Variants in ZNF385B observed in about 807,000 individuals in gnomAD.
ZNF385B encodes the protein zinc finger protein 533.
ZNF385B carries 23 observed loss-of-function variants against 39.2 expected under a neutral mutation model. The ratio of observed to expected loss-of-function variants is 0.59; its 90% CI spans 0.42 to 0.83. ZNF385B has a LOEUF of 0.83. ZNF385B is among the 40% of genes least tolerant of loss of function. The probability of loss-of-function intolerance (pLI) is 0.00; values close to 1 mark genes in which losing one functional copy is unlikely to be tolerated. For missense variants in ZNF385B, 552 were observed against 598.9 expected (o/e 0.92, Z 0.82); for synonymous variants, 205 against 222.6 (o/e 0.92, Z 0.70).
chr2:179,649,506 T>A (rs1693022392), intron 3 of ZNF385B, among the ~76,000 whole-genome samples: 1 of 152,194 alleles, frequency 6.6e-6, no homozygotes, highest in South Asian at 2.1e-4. Flanking sequence ...TATTGCAGAT[T>A]TTCTGTAATT....
intron 6 of ZNF385B, among the ~76,000 whole-genome samples, chr2:179,459,186 T>C (rs978105292): frequency 1.3e-5 from 2 of 152,196 alleles, no homozygotes; most frequent in African/African-American, 4.8e-5. Context: ...ATTCCCTATA[T>C]TAGATAAAAA....
intron 3 of ZNF385B, among the ~76,000 whole-genome samples, chr2:179,589,202 C>G (rs1390786545): frequency 6.6e-6 from 1 of 152,186 alleles, no homozygotes; most frequent in Non-Finnish European, 1.5e-5. Flanking sequence ...GTTTGCCTCT[C>G]AGACTTAATA....
chr2:179,811,783 A>G (rs1217210885), intron 1 of ZNF385B, among the ~76,000 whole-genome samples: 1 of 151,468 alleles, frequency 6.6e-6, no homozygotes, highest in Non-Finnish European at 1.5e-5. Flanking sequence ...CCACACACAC[A>G]AAAAAAAATT....
chr2:179,512,528 G>C (rs562380582), intron 5 of ZNF385B, among the ~76,000 whole-genome samples: 1 of 152,088 alleles, frequency 6.6e-6, no homozygotes, highest in South Asian at 2.1e-4. Context: ...TCATTTCCCC[G>C]GCAAAGCTTA....
At chr2:179,741,602 G>A (rs1445688188) in intron 3 of ZNF385B, among the ~76,000 whole-genome samples, 11 of 152,004 alleles carry the variant, frequency 7.2e-5, no homozygotes, top group African/African-American at 2.2e-4. Context: ...TTGGGTGTGG[G>A]AATGGAGTTT....
chr2:179,722,657 G>A (rs963193352), intron 3 of ZNF385B, among the ~76,000 whole-genome samples: 1 of 151,938 alleles, frequency 6.6e-6, no homozygotes, highest in Non-Finnish European at 1.5e-5. Context: ...ATAATCTCAA[G>A]GTAGAGAAAC....
intron 1 of ZNF385B, among the ~76,000 whole-genome samples, chr2:179,824,206 A>G (rs1288476101): frequency 3.3e-5 from 5 of 152,122 alleles, no homozygotes; most frequent in Non-Finnish European, 7.4e-5. Flanking sequence ...TGTCTGGTCC[A>G]TGTGACCATC....
intron 3 of ZNF385B, among the ~76,000 whole-genome samples, chr2:179,633,705 C>CAATCA (rs1228389004): frequency 6.6e-6 from 1 of 152,028 alleles, no homozygotes; most frequent in African/African-American, 2.4e-5. Flanking sequence ...CTGGCCAGGG[C>CAATCA]AATCAGGCAA....
At chr2:179,750,463 TCTA>T (rs1397538428) in intron 3 of ZNF385B, among the ~76,000 whole-genome samples, 1 of 152,140 alleles carries the variant, frequency 6.6e-6, no homozygotes, top group Non-Finnish European at 1.5e-5. Context: ...CAGTATTCCT[TCTA>T]CTATATGTAT....
At chr2:179,817,627 G>A (rs1707145052) in intron 1 of ZNF385B, among the ~76,000 whole-genome samples, 1 of 152,076 alleles carries the variant, frequency 6.6e-6, no homozygotes, top group South Asian at 2.1e-4. Context: ...GAGCTTAACT[G>A]TGTGTGAGTA....
chr2:179,483,414 G>A lies in ZNF385B; in HGVS notation c.573C>T (p.Tyr191=). Reference sequence around the variant, plus strand: ...CCTTCTTGGCATGTTTACTTCCTTTGTAGTGGGCCTCGGCCTGGCTCTACA... The same window carrying A: ...CCTTCTTGGCATGTTTACTTCCTTTATAGTGGGCCTCGGCCTGGCTCTACA... ...FNSDSQAEAH[Y]KGSKHAKKVK... is the part of the protein sequence containing the mutation. The change falls in exon 6 of 10, where the codon TAC becomes TAT. Residue 191 remains tyrosine (Y), a synonymous_variant. Transcript: ENST00000410066. 1 of 1,613,918 alleles carries A rather than the reference G, an allele frequency of 6.2e-7. No individual in the cohort carries two copies. Among genetic ancestry groups the A allele is most frequent in the Non-Finnish European group, 8.5e-7 (1 of 1,179,870 alleles).
chr2:179,772,294 T>C (rs1193208782), intron 1 of ZNF385B, among the ~76,000 whole-genome samples: 1 of 152,168 alleles, frequency 6.6e-6, no homozygotes, highest in African/African-American at 2.4e-5. Context: ...CCATAACTTT[T>C]CAACCCTATT....
intron 1 of ZNF385B, among the ~76,000 whole-genome samples, chr2:179,771,236 G>T (rs1476504931): frequency 3.9e-5 from 6 of 152,116 alleles, no homozygotes; most frequent in Non-Finnish European, 7.4e-5. Context: ...TCTAAGAAAA[G>T]GAAGGAGCTA....
chr2:179,520,246 A>G (rs2058387145), intron 4 of ZNF385B, among the ~76,000 whole-genome samples: 2 of 152,092 alleles, frequency 1.3e-5, no homozygotes, highest in Non-Finnish European at 2.9e-5. Context: ...ACAAATCTAT[A>G]CATATATTAA....
chr2:179,684,544 A>G (rs1193174973), intron 3 of ZNF385B, among the ~76,000 whole-genome samples: 1 of 152,228 alleles, frequency 6.6e-6, no homozygotes, highest in Non-Finnish European at 1.5e-5. Flanking sequence ...GATTGTCCAT[A>G]GGCTTATACC....
chr2:179,859,382 T>A (rs1423787896), intron 1 of ZNF385B, among the ~76,000 whole-genome samples: 1 of 152,234 alleles, frequency 6.6e-6, no homozygotes, highest in African/African-American at 2.4e-5. Context: ...AGATGATACT[T>A]AGTGGTTATT....
rs1185126754 is a variant in ZNF385B at position 179,861,126 on chromosome 2, G to A, written c.-180C>T. The stretch of plus-strand genomic sequence containing the variant: ...CTCGGCGCGCGGGCCGCGGGCGCGT[G>A]GGGCAGTGGCTCCTCCAGCCGGGAA... On this transcript the variant is annotated 5_prime_UTR_variant, in exon 1 of 10. Coordinates refer to ENST00000410066, the MANE Select transcript of ZNF385B (RefSeq NM_152520.6). The A allele has an allele frequency of 1.3e-5, 2 of 153,696 alleles. No homozygotes were observed. Among genetic ancestry groups the A allele is most frequent in the Non-Finnish European group, 2.9e-5 (2 of 68,332 alleles). The allele number at this position is 153,696 out of a possible 1,614,324, so 9.5% of individuals were successfully genotyped here.
chr2:179,458,577 C>G (rs968894755), intron 6 of ZNF385B, among the ~76,000 whole-genome samples: 4 of 152,126 alleles, frequency 2.6e-5, no homozygotes, highest in Admixed American at 1.3e-4. Context: ...CTTGTAGCAG[C>G]TACAGAAGCT....
intron 3 of ZNF385B, among the ~76,000 whole-genome samples, chr2:179,762,878 G>C (rs1279862311): frequency 1.3e-5 from 2 of 152,004 alleles, no homozygotes; most frequent in African/African-American, 4.8e-5. Flanking sequence ...ATGGCTATAG[G>C]CCTATTCAGA....
Sources: gnomAD v4.1 joint callset for allele counts (sites outside exome capture counted in the v4.1 genomes callset) on GRCh38, gnomAD v4.1.1 for gene constraint, MANE v1.5 for transcripts, NCBI Gene and HGNC (gene_info 2026-07-23, HGNC 2026-07-21) for gene names.